Variants in CD274 observed in about 807,000 individuals in gnomAD.
CD274 encodes the protein programmed cell death 1 ligand 1.
CD274 carries 8 observed loss-of-function variants against 30.1 expected under a neutral mutation model. That is an observed-to-expected ratio of 0.27 (90% CI 0.16 to 0.48). CD274 has a LOEUF of 0.48. Ranked by LOEUF, CD274 falls within the 20% of genes least tolerant of loss-of-function variation. The probability of loss-of-function intolerance (pLI) is 0.99; values close to 1 mark genes in which losing one functional copy is unlikely to be tolerated. For synonymous variants in CD274, 152 were observed against 124.6 expected, an observed-to-expected ratio of 1.22 and a Z score of -1.46; for missense variants, 353 against 346.6, an observed-to-expected ratio of 1.02 and a Z score of -0.15.
intron 1 of CD274, among the ~76,000 whole-genome samples, chr9:5,453,031 A>C (rs1180599525): frequency 1.3e-5 from 2 of 151,828 alleles, no homozygotes; most frequent in Non-Finnish European, 2.9e-5. Context: ...ATATTTTATA[A>C]GTAATATTTT....
rs1367847391 is a variant in CD274 at position 5,463,068 on chromosome 9, C to T, written c.629C>T (p.Thr210Ile). The change falls in exon 4 of 7, where the codon ACT becomes ATT. Residue 210 changes from threonine (T) to isoleucine (I), a missense_variant. Thr to Ile is a moderately conservative substitution (Grantham distance 89, BLOSUM62 -1). Transcript: ENST00000381577. ...ACAACTAATGAGATTTTCTACTGCA[C>T]TTTTAGGAGATTAGATCCTGAGGAA... ...NTTTNEIFYC[T>I]FRRLDPEENH... 1.2e-6 allele frequency: 2 copies of T among 1,613,872 alleles called. No homozygotes were observed. Among genetic ancestry groups the T allele is most frequent in the Admixed American group, 3.3e-5 (2 of 60,006 alleles).
At chr9:5,456,611 G>A (rs889562006) in intron 2 of CD274, among the ~76,000 whole-genome samples, 2 of 152,202 alleles carry the variant, frequency 1.3e-5, no homozygotes, top group Non-Finnish European at 2.9e-5. Flanking sequence ...GCATCACCCT[G>A]TGCTCTTTCC....
intron 3 of CD274, among the ~76,000 whole-genome samples, chr9:5,460,767 A>G (rs935558736): frequency 1.3e-5 from 2 of 152,160 alleles, no homozygotes; most frequent in African/African-American, 4.8e-5. Flanking sequence ...ACATTAGTAT[A>G]GTGTTCTGGG....
At position 5,466,834 on chromosome 9, in the gene CD274, G is replaced by A. The variant is rs750677947; in HGVS notation, c.850+5G>A. 1 of 1,604,274 alleles carries A rather than the reference G, an allele frequency of 6.2e-7. No homozygotes were observed. Among genetic ancestry groups the A allele is most frequent in the South Asian group, 1.1e-5 (1 of 90,650 alleles). On this transcript the variant is annotated splice_donor_5th_base_variant and intron_variant, in intron 6 of 6. Coordinates refer to ENST00000381577, the MANE Select transcript of CD274 (RefSeq NM_014143.4). ...CAAACTCAAAGAAGCAAAGTGGTAA[G>A]AATATCAGAAGGAATTGGGAAGTAA...
At position 5,469,626 on chromosome 9, in the gene CD274, T is replaced by C; in HGVS notation, c.*1764T>C. The C allele has an allele frequency of 8.6e-6, 2 of 232,268 alleles. No homozygotes were observed. The highest frequency in any genetic ancestry group is 1.7e-5 in the Non-Finnish European group (2 of 117,460). 14.4% of individuals were successfully genotyped at this position (232,268 alleles called of 1,614,324 possible). ...GGGCTGAGGATCCATGCCTTCTTTG[T>C]TTCTAAGTTATCTTTCCCATAGCTT... is the stretch of plus-strand genomic sequence containing the variant. On this transcript the variant is annotated 3_prime_UTR_variant, in exon 7 of 7. Coordinates refer to ENST00000381577, the MANE Select transcript of CD274 (RefSeq NM_014143.4).
intron 6 of CD274, among the ~76,000 whole-genome samples, chr9:5,467,303 C>A (rs1475669252): frequency 6.6e-6 from 1 of 152,112 alleles, no homozygotes; most frequent in African/African-American, 2.4e-5. Flanking sequence ...CCCAAGAACA[C>A]ACAGCTGATC....
At chr9:5,451,351 C>T (rs753710820) in intron 1 of CD274, among the ~76,000 whole-genome samples, 1 of 152,172 alleles carries the variant, frequency 6.6e-6, no homozygotes, top group Non-Finnish European at 1.5e-5. Context: ...ATTAATTCCT[C>T]ACTGTTGGGT....
chr9:5,457,737 G>A (rs1586763931), intron 3 of CD274, among the ~76,000 whole-genome samples: 1 of 152,124 alleles, frequency 6.6e-6, no homozygotes, highest in Non-Finnish European at 1.5e-5. Flanking sequence ...AGATACTGTG[G>A]AAGAGATCAA....
At chr9:5,465,055 C>T (rs1019418868) in intron 4 of CD274, among the ~76,000 whole-genome samples, 1 of 150,648 alleles carries the variant, frequency 6.6e-6, no homozygotes, top group Non-Finnish European at 1.5e-5. Flanking sequence ...CCACTGCACT[C>T]CACCCTGGGC....
rs2131212141 is a variant in CD274, at chr9:5,457,272, A to T, written c.246A>T (p.Arg82Ser). 1.9e-6 allele frequency: 3 copies of T among 1,614,028 alleles called. No homozygotes were observed. The South Asian group carries it at 3.3e-5, about 18-fold the overall frequency. Residue 82 changes from arginine (R) to serine (S), a missense_variant, in exon 3 of 7, where the codon AGA becomes AGT. Physicochemically the swap from Arg to Ser is moderately radical, Grantham distance 110. Coordinates refer to ENST00000381577, the MANE Select transcript of CD274 (RefSeq NM_014143.4). ...TGAAGGTTCAGCATAGTAGCTACAG[A>T]CAGAGGGCCCGGCTGTTGAAGGACC... ...EDLKVQHSSY[R>S]QRARLLKDQL... is the part of the protein sequence containing the mutation.
At position 5,467,996 on chromosome 9, in the gene CD274, C is replaced by T. The variant is rs2131236141; in HGVS notation, c.*134C>T. ...CAATGTGGGACTTAAAAGGCCCAAG[C>T]ACTGAAAATGGAACCTGGCGAAAGC... On this transcript the variant is annotated 3_prime_UTR_variant, in exon 7 of 7. Transcript: ENST00000381577. 1.3e-6 allele frequency: 1 copy of T among 757,692 alleles called. No individual in the cohort carries two copies. Among genetic ancestry groups the T allele is most frequent in the East Asian group, 2.6e-5 (1 of 38,534 alleles). The allele number at this position is 757,692 out of a possible 1,614,324, so 46.9% of individuals were successfully genotyped here.
At position 5,469,647 on chromosome 9, in the gene CD274, A is replaced by AG; in HGVS notation, c.*1786dup. On this transcript the variant is annotated 3_prime_UTR_variant, in exon 7 of 7. Transcript: ENST00000381577. ...TTTGTTTCTAAGTTATCTTTCCCAT[A>AG]GCTTTTCATTATCTTTCATATGATC... 1 of 232,162 alleles carries AG rather than the reference A, an allele frequency of 4.3e-6. No individual in the cohort carries two copies. Among genetic ancestry groups the AG allele is most frequent in the Non-Finnish European group, 8.5e-6 (1 of 117,456 alleles). The allele number at this position is 232,162 out of a possible 1,614,324, so 14.4% of individuals were successfully genotyped here.
chr9:5,454,183 TTTTA>T lies in CD274; in HGVS notation c.-14-1913_-14-1910del, dbSNP rs551673267. Among the ~76,000 whole-genome samples, 648 of 152,294 alleles carry T rather than the reference TTTTA, an allele frequency of 4.3e-3. 5 individuals are homozygous for T. Among genetic ancestry groups the T allele is most frequent in the Non-Finnish European group, 6.8e-3 (461 of 68,024 alleles). On this transcript the variant is annotated intron_variant, in intron 1 of 6. Coordinates refer to ENST00000381577, the MANE Select transcript of CD274 (RefSeq NM_014143.4). ...GGTGAAGTGATTCATGAAATTTTGG[TTTTA>T]TTTTTTTCCTGATACTAAAAATAAA...
chr9:5,468,534 G>A lies in CD274; in HGVS notation c.*672G>A, dbSNP rs188235000. The A allele has an allele frequency of 4.7e-5, 11 of 232,942 alleles. No individual in the cohort carries two copies. The highest frequency in any genetic ancestry group is 4.5e-4 in the Admixed American group (8 of 17,788). The allele number at this position is 232,942 out of a possible 1,614,324, so 14.4% of individuals were successfully genotyped here. ...ACATTGGAAGCATAAAGATCAAACC[G>A]TTGGTTGCATAGGATGTCACCTTTA... On this transcript the variant is annotated 3_prime_UTR_variant, in exon 7 of 7. Coordinates refer to ENST00000381577, the MANE Select transcript of CD274 (RefSeq NM_014143.4).
intron 6 of CD274, among the ~76,000 whole-genome samples, chr9:5,467,385 T>C (rs1456130464): frequency 6.6e-6 from 1 of 152,170 alleles, no homozygotes; most frequent in African/African-American, 2.4e-5. Context: ...TTCAATCCAT[T>C]TTGCTACAAA....
chr9:5,457,035 G>A (rs746669461), intron 2 of CD274, 44 bp from the exon 3 acceptor site: 21 of 1,386,554 alleles, frequency 1.5e-5, no homozygotes, highest in Admixed American at 1.9e-5. Context: ...TAAATGTTTC[G>A]AGGAATTTTC....
At chr9:5,458,432 C>T (rs1197868131) in intron 3 of CD274, among the ~76,000 whole-genome samples, 8 of 152,158 alleles carry the variant, frequency 5.3e-5, no homozygotes, top group Admixed American at 5.2e-4. Flanking sequence ...TGAAATCTGC[C>T]CCTCTAGTTG....
At chr9:5,461,511 G>C (rs1414349036) in intron 3 of CD274, among the ~76,000 whole-genome samples, 5 of 151,934 alleles carry the variant, frequency 3.3e-5, no homozygotes, top group African/African-American at 1.2e-4. Context: ...ATTTATTTCA[G>C]TTTCATTTGA....
chr9:5,457,837 T>C (rs1194082312), intron 3 of CD274, among the ~76,000 whole-genome samples: 1 of 152,188 alleles, frequency 6.6e-6, no homozygotes, highest in Non-Finnish European at 1.5e-5. Context: ...CCTCCAGAAA[T>C]TTTTTTATTC....
Sources: allele counts gnomAD v4.1 joint callset (sites outside exome capture counted in the v4.1 genomes callset), GRCh38; gene constraint gnomAD v4.1.1; transcripts MANE v1.5; gene names NCBI Gene and HGNC (gene_info 2026-07-23, HGNC 2026-07-21).